The following NBEA variants were observed in gnomAD, a reference collection of about 807,000 sequenced individuals.
NBEA encodes the protein neurobeachin.
In NBEA, 44 loss-of-function variants were observed where a neutral mutation model predicts 343.4. The ratio of observed to expected loss-of-function variants is 0.13; its 90% CI spans 0.10 to 0.16. The LOEUF (loss-of-function observed/expected upper bound fraction) is 0.16. Ranked by LOEUF, NBEA falls within the 10% of genes least tolerant of loss-of-function variation. The pLI, the probability that NBEA is intolerant of heterozygous loss-of-function variation, is 1.00. For synonymous variants in NBEA, 1,175 were observed against 1,238.7 expected (o/e 0.95, Z 1.08); for missense variants, 2,555 against 3,631.3 (o/e 0.70, Z 7.62).
At chr13:35,134,597 G>A (rs955501803) in intron 17 of NBEA, among the ~76,000 whole-genome samples, 1 of 151,800 alleles carries the variant, frequency 6.6e-6, no homozygotes, top group Non-Finnish European at 1.5e-5. Context: ...GTACTTCATA[G>A]CAAAAACTCT....
Position 35,335,863 on chromosome 13 carries a change from C to A in NBEA, c.5904-13245C>A, listed in dbSNP as rs142738668. The stretch of plus-strand genomic sequence containing the variant: ...ATTTATGGAAGTCTAAAAGGCTATT[C>A]GCATGCCGGGGGCTACATGCATCCT... On this transcript the variant is annotated intron_variant, in intron 36 of 58. Transcript: ENST00000379939. 1.8e-3 allele frequency among the ~76,000 whole-genome samples: 277 copies of A among 152,168 alleles called. 1 individual carries two copies. The highest frequency in any genetic ancestry group is 6.8e-3 in the Middle Eastern group (2 of 294).
At chr13:35,286,100 C>T (rs1208384206) in intron 34 of NBEA, among the ~76,000 whole-genome samples, 1 of 152,152 alleles carries the variant, frequency 6.6e-6, no homozygotes, top group Non-Finnish European at 1.5e-5. Context: ...CTGTGCTTCT[C>T]ACACTGCATT....
intron 46 of NBEA, chr13:35,592,892 C>T (rs530579088): frequency 1.3e-5 from 2 of 153,260 alleles, no homozygotes; most frequent in East Asian, 3.8e-4. Flanking sequence ...CCTAATTCCA[C>T]ACTGCAGTGA....
Position 35,594,599 on chromosome 13 carries a change from G to T in NBEA, c.7296+1152G>T, listed in dbSNP as rs116747358. ...CTATATTAAGCTTTGAAGTTCTAAC[G>T]GTCTTACAACTTTGCTGAGACTTAA... On this transcript the variant is annotated intron_variant, in intron 47 of 58. Coordinates refer to ENST00000379939, the MANE Select transcript of NBEA (RefSeq NM_001385012.1). Among the ~76,000 whole-genome samples, 1,471 of 151,982 alleles carry T rather than the reference G, an allele frequency of 9.7e-3. 26 individuals carry two copies. The highest frequency in any genetic ancestry group is 0.034 in the African/African-American group (1,411 of 41,482).
Position 35,110,904 on chromosome 13 carries a change from T to G in NBEA, c.1928T>G (p.Leu643Arg). ...CGCAGAGTAGGAACAGTATTACAGC[T>G]AATGCACACCTTAAAATATTACTAC... ...TIRRVGTVLQ[L>R]MHTLKYYYWV... The change falls in exon 13 of 59, where the codon CTA becomes CGA. Residue 643 changes from leucine (L) to arginine (R), a missense_variant. Leu to Arg is a moderately radical substitution (Grantham distance 102). Transcript: ENST00000379939. 1 of 1,612,358 alleles carries G rather than the reference T, an allele frequency of 6.2e-7. No homozygotes were observed. The highest frequency in any genetic ancestry group is 8.5e-7 in the Non-Finnish European group (1 of 1,178,656).
chr13:35,014,126 C>G (rs901944417), intron 1 of NBEA, among the ~76,000 whole-genome samples: 21 of 148,754 alleles, frequency 1.4e-4, no homozygotes, highest in African/African-American at 5.1e-4. Flanking sequence ...ACATTCCTTT[C>G]CTGTTATTAG....
intron 40 of NBEA, among the ~76,000 whole-genome samples, chr13:35,472,039 A>G (rs767023111): frequency 8.6e-5 from 13 of 152,042 alleles, no homozygotes; most frequent in Admixed American, 5.2e-4. Flanking sequence ...CTGACTGCCT[A>G]GGGTCTCTGG....
chr13:35,146,354 A>G (rs1268289865), intron 18 of NBEA, among the ~76,000 whole-genome samples: 4 of 152,184 alleles, frequency 2.6e-5, no homozygotes, highest in African/African-American at 9.7e-5. Flanking sequence ...AGTGGCCTTT[A>G]GGACAGAGTA....
chr13:35,096,197 G>T (rs193181558), intron 10 of NBEA, among the ~76,000 whole-genome samples: 5 of 150,214 alleles, frequency 3.3e-5, no homozygotes, highest in African/African-American at 4.9e-5. Flanking sequence ...TTATTGTAAA[G>T]ATTTTTTTTT....
intron 41 of NBEA, chr13:35,474,952 A>C: frequency 5.6e-5 from 68 of 1,204,958 alleles, no homozygotes; most frequent in Non-Finnish European, 6.9e-5. Context: ...TTTTAAAGGA[A>C]GAGATTGTTT....
At chr13:35,496,564 G>T (rs2076684638) in intron 41 of NBEA, among the ~76,000 whole-genome samples, 1 of 147,226 alleles carries the variant, frequency 6.8e-6, no homozygotes, top group East Asian at 2.0e-4. Flanking sequence ...AGCCCAGAAG[G>T]TTGAGGCTGC....
intron 1 of NBEA, among the ~76,000 whole-genome samples, chr13:34,995,695 C>G (rs2060916582): frequency 6.6e-6 from 1 of 152,154 alleles, no homozygotes; most frequent in Admixed American, 6.5e-5. Context: ...GACTGAAGCT[C>G]AGATGCTGTA....
chr13:35,098,510 GATT>G, intron 11 of NBEA, 105 bp downstream of exon 11: 1 of 696,166 alleles, frequency 1.4e-6, no homozygotes, highest in Non-Finnish European at 2.4e-6. Flanking sequence ...ACTGTGTAGA[GATT>G]ATACTATTTG....
chr13:35,593,462 T>C lies in NBEA; in HGVS notation c.7296+15T>C, dbSNP rs199580051. The C allele has an allele frequency of 7.6e-6, 12 of 1,584,906 alleles. No individual in the cohort carries two copies. Among genetic ancestry groups the C allele is most frequent in the Non-Finnish European group, 1.0e-5 (12 of 1,169,944 alleles). On this transcript the variant is annotated intron_variant, in intron 47 of 58. Transcript: ENST00000379939. ...CTGATGTAAAGGTAGGCTCTTTTAT[T>C]TGTTGATATTCATTAAATTTCAAAA...
chr13:35,253,186 A>G (rs2032180475), intron 34 of NBEA, among the ~76,000 whole-genome samples: 1 of 152,224 alleles, frequency 6.6e-6, no homozygotes, highest in South Asian at 2.1e-4. Context: ...AAAATTGGAA[A>G]TAAAATATAT....
intron 49 of NBEA, among the ~76,000 whole-genome samples, chr13:35,638,437 AG>A (rs1389008861): frequency 6.6e-6 from 1 of 152,206 alleles, no homozygotes; most frequent in Non-Finnish European, 1.5e-5. Flanking sequence ...CTGTGGCCTT[AG>A]GTAGAGGAGT....
chr13:35,262,172 G>C (rs1391562876), intron 34 of NBEA, among the ~76,000 whole-genome samples: 1 of 152,220 alleles, frequency 6.6e-6, no homozygotes, highest in Non-Finnish European at 1.5e-5. Flanking sequence ...ACAATTCCAA[G>C]TGCTGCCAAG....
At chr13:35,474,791 T>C in intron 41 of NBEA, 1 of 416,816 alleles carries the variant, frequency 2.4e-6, no homozygotes, top group South Asian at 3.5e-5. Context: ...TACGGAGTGT[T>C]ACGGTGTACT....
intron 38 of NBEA, among the ~76,000 whole-genome samples, chr13:35,392,448 T>A (rs1433597791): frequency 6.6e-6 from 1 of 151,614 alleles, no homozygotes; most frequent in African/African-American, 2.4e-5. Flanking sequence ...AAACCTAACT[T>A]GAGCCAGTAT....
Sources: allele counts gnomAD v4.1 joint callset (sites outside exome capture counted in the v4.1 genomes callset), GRCh38; gene constraint gnomAD v4.1.1; transcripts MANE v1.5; gene names NCBI Gene and HGNC (gene_info 2026-07-23, HGNC 2026-07-21).